Variants in AMPD3 observed in about 807,000 individuals in gnomAD.
AMPD3 encodes the protein adenosine monophosphate deaminase 3.
A neutral mutation model predicts 82.3 loss-of-function variants in AMPD3; 57 were observed. The ratio of observed to expected loss-of-function variants is 0.69; its 90% confidence interval spans 0.56 to 0.86. AMPD3 has a LOEUF of 0.86. Among genes scored for constraint, AMPD3 ranks in the 40% least tolerant of loss-of-function variants. AMPD3 has a pLI of 0.00. For synonymous variants in AMPD3, 381 were observed against 394.7 expected (o/e 0.97, Z 0.41); for missense variants, 870 against 1,003.8 (o/e 0.87, Z 1.80).
chr11:10,485,073 C>A, intron 5 of AMPD3, 34 bp downstream of exon 5: 1 of 1,581,462 alleles, frequency 6.3e-7, no homozygotes, highest in Non-Finnish European at 8.6e-7. Flanking sequence ...CCTGTCTTTG[C>A]ACAGGTGCTG....
chr11:10,471,067 A>G (rs1848575482), intron 2 of AMPD3, among the ~76,000 whole-genome samples: 2 of 152,250 alleles, frequency 1.3e-5, no homozygotes, highest in Non-Finnish European at 2.9e-5. Context: ...AAACTATACT[A>G]CAAGGCTACA....
At chr11:10,482,554 C>T (rs1299957686) in intron 4 of AMPD3, among the ~76,000 whole-genome samples, 1 of 151,542 alleles carries the variant, frequency 6.6e-6, no homozygotes, top group Admixed American at 6.6e-5. Context: ...CTCTGTTGCT[C>T]AGGCTGGCAT....
chr11:10,484,802 C>T lies in AMPD3; in HGVS notation c.590-18C>T, dbSNP rs376653944. ...CAAGGTCAGGGGCACTTTGCCATCC[C>T]TCAATCCTGTTTTGCAGACTTCCAC... On this transcript the variant is annotated intron_variant, in intron 4 of 14. Coordinates refer to ENST00000396553, the MANE Select transcript of AMPD3 (RefSeq NM_001025389.2). The T allele has an allele frequency of 9.3e-6, 15 of 1,613,256 alleles. No homozygotes were observed. In the African/African-American group the frequency reaches 1.9e-4, roughly 20 times the overall value.
Position 10,456,617 on chromosome 11 carries a change from A to C in AMPD3, c.-6+1169A>C. On this transcript the variant is annotated intron_variant, in intron 1 of 14. Coordinates refer to ENST00000396553, the MANE Select transcript of AMPD3 (RefSeq NM_001025389.2). This position sits in a 1 kb window ranked among gnomAD's most constrained non-coding sequence, Gnocchi z 4.3. Reference sequence around the variant, plus strand: ...AGAGCGTGTTGCATGTAACAGTGAGATAAGCTGTATCATTGGCTGACTGAT... The same window carrying C: ...AGAGCGTGTTGCATGTAACAGTGAGCTAAGCTGTATCATTGGCTGACTGAT... The C allele has an allele frequency of 5.1e-6, 5 of 985,276 alleles. No homozygotes were observed. The highest frequency in any genetic ancestry group is 6.0e-6 in the Non-Finnish European group (5 of 829,756). The allele number at this position is 985,276 out of a possible 1,614,324, so 61.0% of individuals were successfully genotyped here. A position where few individuals can be genotyped will look rare whatever the true frequency, so the allele number is the denominator to read the frequency against.
At chr11:10,475,073 C>A (rs1467562858) in intron 2 of AMPD3, among the ~76,000 whole-genome samples, 1 of 152,168 alleles carries the variant, frequency 6.6e-6, no homozygotes, top group African/African-American at 2.4e-5. Flanking sequence ...GTATAATTGG[C>A]TCATAGTTCT....
intron 2 of AMPD3, among the ~76,000 whole-genome samples, chr11:10,464,943 T>A (rs1591444095): frequency 6.6e-6 from 1 of 152,140 alleles, no homozygotes; most frequent in African/African-American, 2.4e-5. Flanking sequence ...TGATGTGTGG[T>A]GATTATAAGC....
chr11:10,468,000 A>G (rs1848470831), intron 2 of AMPD3, among the ~76,000 whole-genome samples: 1 of 152,234 alleles, frequency 6.6e-6, no homozygotes, highest in Non-Finnish European at 1.5e-5. Flanking sequence ...CCTGCCTTAC[A>G]AGAGCTCCTG....
At chr11:10,478,423 A>C in intron 2 of AMPD3, 103 bp from the exon 3 acceptor site, 1 of 1,577,858 alleles carries the variant, frequency 6.3e-7, no homozygotes, top group Non-Finnish European at 8.7e-7. Context: ...ACCAGTGATT[A>C]ATCATAGCAA....
At chr11:10,497,873 T>C (rs1849464940) in intron 10 of AMPD3, 1 of 977,930 alleles carries the variant, frequency 1.0e-6, no homozygotes. Flanking sequence ...ATTACCCCGT[T>C]ACTATCACCA....
chr11:10,484,791 C>T (rs1714880207), intron 4 of AMPD3, 29 bp from the exon 5 acceptor site: 1 of 1,611,338 alleles, frequency 6.2e-7, no homozygotes, highest in Admixed American at 1.7e-5. Context: ...GTCAGGGGCA[C>T]TTTGCCATCC....
At chr11:10,483,824 C>T (rs996420637) in intron 4 of AMPD3, among the ~76,000 whole-genome samples, 3 of 152,210 alleles carry the variant, frequency 2.0e-5, no homozygotes, top group Non-Finnish European at 4.4e-5. Flanking sequence ...GGTCACTCTG[C>T]CTTGGCAGCT....
chr11:10,455,302 C>A lies in AMPD3; in HGVS notation c.-152C>A. 1.0e-6 allele frequency: 1 copy of A among 985,412 alleles called. No individual in the cohort carries two copies. The allele number at this position is 985,412 out of a possible 1,614,324, so 61.0% of individuals were successfully genotyped here. A position where few individuals can be genotyped will look rare whatever the true frequency, so the allele number is the denominator to read the frequency against. On this transcript the variant is annotated 5_prime_UTR_variant, in exon 1 of 15. Transcript: ENST00000396553. ...GCAGATGAAGATCAGAGCTTTGCAC[C>A]CTGTGATGCCATTTTAATCAACCCT...
At chr11:10,505,043 G>A (rs1015833097) in intron 14 of AMPD3, 3 of 864,048 alleles carry the variant, frequency 3.5e-6, no homozygotes, top group African/African-American at 1.8e-5. Flanking sequence ...TTATATCCCC[G>A]GGCCCTAGAT....
In AMPD3 at chr11:10,505,639, G is replaced by A. The variant is rs1849698555; in HGVS notation, c.2128-69G>A. On this transcript the variant is annotated intron_variant, in intron 14 of 14. Transcript: ENST00000396553. ...CTGACTTGCTGTGACTGATGTCAAA[G>A]CTGCCCACATGGCTATAGAAAGTGA... 9 of 1,584,910 alleles carry A rather than the reference G, an allele frequency of 5.7e-6. No homozygotes were observed. In the Middle Eastern group the frequency reaches 6.7e-4, roughly 117 times the overall value.
rs78323528 is a variant in AMPD3 at position 10,491,473 on chromosome 11, G to A, written c.940-1876G>A. Among the ~76,000 whole-genome samples, 1,478 of 152,302 alleles carry A rather than the reference G, an allele frequency of 9.7e-3. 29 individuals are homozygous for A. Among genetic ancestry groups the A allele is most frequent in the African/African-American group, 0.034 (1,397 of 41,572 alleles). On this transcript the variant is annotated intron_variant, in intron 6 of 14. Coordinates refer to ENST00000396553, the MANE Select transcript of AMPD3 (RefSeq NM_001025389.2). Reference sequence around the variant, plus strand: ...GTAACAGAATCAAATTACATTTAAAGAATCCCTTCTAGCTTCTGTGTATGG... The same window carrying A: ...GTAACAGAATCAAATTACATTTAAAAAATCCCTTCTAGCTTCTGTGTATGG...
At chr11:10,453,390 T>C (rs1848008669), upstream of AMPD3, among the ~76,000 whole-genome samples, 2 of 152,224 alleles carry the variant, frequency 1.3e-5, no homozygotes, top group African/African-American at 4.8e-5. Context: ...ATGTCGACCA[T>C]ATTTCAGGTA....
chr11:10,465,397 TA>T (rs35803105), intron 2 of AMPD3, among the ~76,000 whole-genome samples: 21,127 of 152,128 alleles, frequency 0.14, 1,568 homozygotes, highest in African/African-American at 0.17. Context: ...AATTGATTTT[TA>T]AAAAATTAGG....
chr11:10,482,325 A>T, intron 4 of AMPD3, 100 bp downstream of exon 4: 3 of 1,378,920 alleles, frequency 2.2e-6, no homozygotes, highest in Non-Finnish European at 3.0e-6. Context: ...ATAGTATTTT[A>T]AAATGACAAT....
intron 5 of AMPD3, 57 bp downstream of exon 5, chr11:10,485,096 G>T (rs527899123): frequency 6.5e-7 from 1 of 1,536,594 alleles, no homozygotes; most frequent in East Asian, 2.4e-5. Flanking sequence ...CTGTAGGAAG[G>T]AGATGAGAAA....
Sources: gnomAD v4.1 joint callset for allele counts (sites outside exome capture counted in the v4.1 genomes callset) on GRCh38, gnomAD v4.1.1 for gene constraint, Gnocchi (gnomAD v3.1) non-coding constraint, MANE v1.5 for transcripts, NCBI Gene and HGNC (gene_info 2026-07-23, HGNC 2026-07-21) for gene names.